Variants in CNST observed in about 807,000 individuals in gnomAD.
The protein encoded by CNST is consortin, connexin sorting protein.
Under a neutral mutation model 72.4 loss-of-function variants are expected in CNST, and 39 were observed. The ratio of observed to expected loss-of-function variants is 0.54; its 90% confidence interval spans 0.42 to 0.70. CNST has a LOEUF of 0.70. Among genes scored for constraint, CNST ranks in the 30% least tolerant of loss-of-function variants. The pLI, the probability that CNST is intolerant of heterozygous loss-of-function variation, is 0.00. For synonymous variants in CNST, 332 were observed against 320.1 expected, an observed-to-expected ratio of 1.04 and a Z score of -0.40; for missense variants, 871 against 868.5, an observed-to-expected ratio of 1.00 and a Z score of -0.04.
chr1:246,642,021 T>C lies in CNST; in HGVS notation c.921T>C (p.Ala307=). ...LVSEDPKEGG[A]TTKESESKTC... ...CTGAAGATCCAAAGGAAGGAGGAGCTACCACCAAAGAGTCAGGTATGTTTT... is the reference window on the plus strand; with the variant it reads ...CTGAAGATCCAAAGGAAGGAGGAGCCACCACCAAAGAGTCAGGTATGTTTT... Residue 307 remains alanine (A), a synonymous_variant, in exon 8 of 11, where the codon GCT becomes GCC. Coordinates refer to ENST00000366513, the MANE Select transcript of CNST (RefSeq NM_152609.3). 6.2e-7 allele frequency: 1 copy of C among 1,607,172 alleles called. No individual in the cohort carries two copies. The highest frequency in any genetic ancestry group is 8.5e-7 in the Non-Finnish European group (1 of 1,175,300).
At chr1:246,618,735 T>A (rs1663854767) in intron 2 of CNST, among the ~76,000 whole-genome samples, 1 of 152,206 alleles carries the variant, frequency 6.6e-6, no homozygotes, top group Non-Finnish European at 1.5e-5. Context: ...AATGTATTGC[T>A]TTTTAATATC....
chr1:246,647,011 A>G, intron 8 of CNST, 128 bp from the exon 9 acceptor site: 1 of 828,324 alleles, frequency 1.2e-6, no homozygotes, highest in Non-Finnish European at 1.9e-6. Context: ...CTATTATGCA[A>G]CAGACAGAAT....
chr1:246,567,640 A>G (rs1659801630), intron 1 of CNST, among the ~76,000 whole-genome samples: 1 of 152,246 alleles, frequency 6.6e-6, no homozygotes, highest in Non-Finnish European at 1.5e-5. Context: ...CAAGCGGATA[A>G]AGAATTGACA....
At chr1:246,623,681 G>C (rs1664234597) in intron 3 of CNST, among the ~76,000 whole-genome samples, 1 of 152,054 alleles carries the variant, frequency 6.6e-6, no homozygotes, top group Non-Finnish European at 1.5e-5. Flanking sequence ...AGAATTGCTT[G>C]AACCCAGGAG....
At position 246,647,747 on chromosome 1, in the gene CNST, A is replaced by G; in HGVS notation, c.1546A>G (p.Ile516Val). 1.2e-6 allele frequency: 2 copies of G among 1,614,210 alleles called. No homozygotes were observed. The highest frequency in any genetic ancestry group is 2.2e-5 in the East Asian group (1 of 44,890). The change falls in exon 9 of 11, where the codon ATA (isoleucine) becomes GTA (valine). Residue 516 changes from isoleucine (I) to valine (V), a missense_variant. Transcript: ENST00000366513. ...SENVLCGNNQISDLGILLPEV... is the reference protein window; with the variant it reads ...SENVLCGNNQVSDLGILLPEV... ...GAATGTGCTCTGTGGAAATAATCAA[A>G]TATCTGACTTAGGCATACTGCTTCC...
chr1:246,640,801 T>G (rs1665634428), intron 6 of CNST, among the ~76,000 whole-genome samples: 1 of 151,804 alleles, frequency 6.6e-6, no homozygotes, highest in Non-Finnish European at 1.5e-5. Context: ...TTTGGATAAC[T>G]CCCCCCATAT....
intron 1 of CNST, among the ~76,000 whole-genome samples, chr1:246,589,891 G>C (rs548889744): frequency 2.7e-4 from 41 of 152,204 alleles, no homozygotes; most frequent in African/African-American, 9.4e-4. Flanking sequence ...TTTCATGTGT[G>C]TTTTGGCTGC....
intron 6 of CNST, among the ~76,000 whole-genome samples, chr1:246,637,654 C>T (rs969780100): frequency 1.3e-5 from 2 of 152,154 alleles, no homozygotes; most frequent in African/African-American, 4.8e-5. Flanking sequence ...TTGATGTTTT[C>T]AAGTTTGCCT....
chr1:246,591,967 T>G, intron 2 of CNST, 26 bp downstream of exon 2: 1 of 1,540,840 alleles, frequency 6.5e-7, no homozygotes, highest in South Asian at 1.2e-5. Flanking sequence ...GTATTTATCC[T>G]CTTCTTTAAT....
chr1:246,566,558 G>T lies in CNST; in HGVS notation c.-157G>T, dbSNP rs1659695208. On this transcript the variant is annotated 5_prime_UTR_variant, in exon 1 of 11. Transcript: ENST00000366513. ...TGTCTCCTCCACCGGAGCCAGGGGA[G>T]ACCCGAGCAAGCTCCGTGACAGCAC... 2.4e-6 allele frequency: 1 copy of T among 412,610 alleles called. No homozygotes were observed. Among genetic ancestry groups the T allele is most frequent in the East Asian group, 3.4e-5 (1 of 29,232 alleles). 25.6% of individuals were successfully genotyped at this position (412,610 alleles called of 1,614,324 possible). A position where few individuals can be genotyped will look rare whatever the true frequency, so the allele number is the denominator to read the frequency against.
intron 9 of CNST, among the ~76,000 whole-genome samples, chr1:246,654,422 C>T (rs1156595004): frequency 1.3e-5 from 2 of 152,232 alleles, no homozygotes; most frequent in Non-Finnish European, 2.9e-5. Flanking sequence ...CTAGCTGATG[C>T]TATGATTCCC....
chr1:246,610,125 A>G lies in CNST; in HGVS notation c.380-11304A>G, dbSNP rs562657826. On this transcript the variant is annotated intron_variant, in intron 2 of 10. Coordinates refer to ENST00000366513, the MANE Select transcript of CNST (RefSeq NM_152609.3). Reference sequence around the variant, plus strand: ...GTGAAACCCCATCTCTACTAAAAATACAAAAAATTAGCCAGGCATGGTAGC... The same window carrying G: ...GTGAAACCCCATCTCTACTAAAAATGCAAAAAATTAGCCAGGCATGGTAGC... Among the ~76,000 whole-genome samples the G allele has an allele frequency of 5.5e-4, 83 of 152,218 alleles. 1 individual carries two copies. The South Asian group carries it at 9.7e-3, about 18-fold the overall frequency.
At chr1:246,645,843 A>C (rs1185859520) in intron 8 of CNST, among the ~76,000 whole-genome samples, 1 of 152,190 alleles carries the variant, frequency 6.6e-6, no homozygotes, top group African/African-American at 2.4e-5. Flanking sequence ...ATTCACACGG[A>C]GGTTTTTAAC....
At chr1:246,635,014 C>T (rs781633920) in intron 6 of CNST, among the ~76,000 whole-genome samples, 15 of 152,240 alleles carry the variant, frequency 9.9e-5, no homozygotes, top group East Asian at 1.9e-4. Context: ...TTCTGCTTCT[C>T]GCTGACGCGC....
chr1:246,596,923 ATAT>A lies in CNST; in HGVS notation c.379+4984_379+4986del, dbSNP rs557763990. Among the ~76,000 whole-genome samples, 16 of 152,254 alleles carry A rather than the reference ATAT, an allele frequency of 1.1e-4. No individual in the cohort carries two copies. In the South Asian group the frequency reaches 3.3e-3, roughly 32 times the overall value. ...CTTTGTTCCTTTTTGTGGTCAGATA[ATAT>A]TCTGTTGCATGGATAGACCGTATTT... On this transcript the variant is annotated intron_variant, in intron 2 of 10. Transcript: ENST00000366513.
At chr1:246,612,280 C>T (rs1397678759) in intron 2 of CNST, among the ~76,000 whole-genome samples, 1 of 152,234 alleles carries the variant, frequency 6.6e-6, no homozygotes, top group East Asian at 1.9e-4. Context: ...TGGCTCACTG[C>T]AACCTCCACC....
chr1:246,568,527 G>T (rs893474140), intron 1 of CNST, among the ~76,000 whole-genome samples: 3 of 152,160 alleles, frequency 2.0e-5, no homozygotes, highest in Non-Finnish European at 4.4e-5. Context: ...CTTGATTAGT[G>T]TGCAGTATTT....
intron 1 of CNST, among the ~76,000 whole-genome samples, chr1:246,576,634 C>T (rs1313470152): frequency 6.6e-6 from 1 of 151,272 alleles, no homozygotes; most frequent in Admixed American, 6.6e-5. Flanking sequence ...TAGCTGGGAC[C>T]GCAGGCATGT....
chr1:246,635,577 C>G (rs113020091), intron 6 of CNST, among the ~76,000 whole-genome samples: 238 of 151,738 alleles, frequency 1.6e-3, no homozygotes, highest in East Asian at 9.7e-4. Flanking sequence ...GTTAAACTTA[C>G]CACAGACCGC....
Sources: allele counts gnomAD v4.1 joint callset (sites outside exome capture counted in the v4.1 genomes callset), GRCh38; gene constraint gnomAD v4.1.1; transcripts MANE v1.5; gene names NCBI Gene and HGNC (gene_info 2026-07-23, HGNC 2026-07-21).